Variants in UGT1A10 observed in about 807,000 individuals in gnomAD.
The protein encoded by UGT1A10 is UDP glucuronosyltransferase family 1 member A10, also known as UDP-glucuronosyltransferase 1A10.
UGT1A10 carries 49 observed loss-of-function variants against 45.8 expected under a neutral mutation model. That is an observed-to-expected ratio of 1.07 (90% CI 0.85 to 1.36). The LOEUF (loss-of-function observed/expected upper bound fraction) is 1.36, where lower values mean the gene tolerates loss of function less well. Ranked by LOEUF, UGT1A10 falls within the 40% of genes most tolerant of loss-of-function variation. UGT1A10 has a pLI of 0.00. For missense variants in UGT1A10, 745 were observed against 668.6 expected (o/e 1.11, Z -1.26); for synonymous variants, 284 against 249.7 (o/e 1.14, Z -1.29).
intron 1 of UGT1A10, among the ~76,000 whole-genome samples, chr2:233,738,627 G>A (rs1481617124): frequency 1.3e-5 from 2 of 152,172 alleles, no homozygotes; most frequent in Non-Finnish European, 2.9e-5. Flanking sequence ...TGGCATTTTT[G>A]CCCCTGCCCT....
intron 1 of UGT1A10, chr2:233,672,651 T>C (rs752391305): frequency 1.9e-6 from 3 of 1,613,910 alleles, no homozygotes; most frequent in South Asian, 2.2e-5. Context: ...AAACACCTGT[T>C]ACGGAGTATG....
At chr2:233,725,615 T>C (rs572802204) in intron 1 of UGT1A10, among the ~76,000 whole-genome samples, 1 of 152,322 alleles carries the variant, frequency 6.6e-6, no homozygotes, top group African/African-American at 2.4e-5. Flanking sequence ...TCTTGCTAAG[T>C]CTTCAAAATC....
chr2:233,685,792 G>T (rs1336439537), intron 1 of UGT1A10, among the ~76,000 whole-genome samples: 2 of 151,898 alleles, frequency 1.3e-5, no homozygotes, highest in Non-Finnish European at 2.9e-5. Flanking sequence ...AGAAAATCTT[G>T]GCATGTTGTC....
At chr2:233,700,860 T>C (rs762823584) in intron 1 of UGT1A10, among the ~76,000 whole-genome samples, 4 of 152,140 alleles carry the variant, frequency 2.6e-5, no homozygotes, top group East Asian at 1.9e-4. Flanking sequence ...CTCCTAATGC[T>C]ATCCCTCCCT....
At chr2:233,702,904 T>C (rs1326367671) in intron 1 of UGT1A10, among the ~76,000 whole-genome samples, 1 of 152,212 alleles carries the variant, frequency 6.6e-6, no homozygotes, top group Admixed American at 6.5e-5. Context: ...TAAGAGATAT[T>C]GGAAGTCTTA....
chr2:233,678,504 A>G (rs1290179330), intron 1 of UGT1A10, among the ~76,000 whole-genome samples: 1 of 152,144 alleles, frequency 6.6e-6, no homozygotes, highest in Non-Finnish European at 1.5e-5. Flanking sequence ...ATGGAAATAC[A>G]TCATAATTAC....
intron 1 of UGT1A10, among the ~76,000 whole-genome samples, chr2:233,761,639 G>A (rs1340532947): frequency 3.9e-5 from 6 of 152,230 alleles, no homozygotes; most frequent in Non-Finnish European, 5.9e-5. Context: ...CCTGCAGTCC[G>A]TTCTCTTCTA....
intron 1 of UGT1A10, among the ~76,000 whole-genome samples, chr2:233,690,063 C>T (rs2074973380): frequency 6.6e-6 from 1 of 152,196 alleles, no homozygotes; most frequent in African/African-American, 2.4e-5. Flanking sequence ...TGCAGCCCCA[C>T]CTCACAGCCT....
intron 1 of UGT1A10, chr2:233,690,455 C>G (rs1165670819): frequency 7.8e-7 from 1 of 1,287,146 alleles, no homozygotes; most frequent in South Asian, 1.2e-5. Flanking sequence ...ATTCAAAATG[C>G]CAGCTATCCT....
chr2:233,732,301 C>A (rs2078258261), intron 1 of UGT1A10, among the ~76,000 whole-genome samples: 1 of 152,184 alleles, frequency 6.6e-6, no homozygotes, highest in South Asian at 2.1e-4. Flanking sequence ...TTAATTAGAT[C>A]CCATTTGTCT....
chr2:233,641,218 A>G (rs1380037247), intron 1 of UGT1A10, among the ~76,000 whole-genome samples: 2 of 152,134 alleles, frequency 1.3e-5, no homozygotes, highest in Non-Finnish European at 1.5e-5. Flanking sequence ...TTCTTTACCT[A>G]CAAGTATCTT....
At chr2:233,663,589 C>A (rs1559330237) in intron 1 of UGT1A10, among the ~76,000 whole-genome samples, 1 of 152,090 alleles carries the variant, frequency 6.6e-6, no homozygotes, top group African/African-American at 2.4e-5. Flanking sequence ...CTGCATGAAT[C>A]CTAAACCATA....
At chr2:233,724,165 C>CT (rs1189702988) in intron 1 of UGT1A10, among the ~76,000 whole-genome samples, 2 of 112,674 alleles carry the variant, frequency 1.8e-5, no homozygotes, top group African/African-American at 8.4e-5. Context: ...GGGGGGCTGA[C>CT]CCCCCCATCT....
At chr2:233,641,500 G>A (rs1015661073) in intron 1 of UGT1A10, among the ~76,000 whole-genome samples, 1 of 152,024 alleles carries the variant, frequency 6.6e-6, no homozygotes, top group Non-Finnish European at 1.5e-5. Flanking sequence ...TTTTTGATTT[G>A]TTCATTGTTT....
intron 1 of UGT1A10, among the ~76,000 whole-genome samples, chr2:233,749,749 G>C (rs1286332209): frequency 2.0e-5 from 3 of 151,910 alleles, no homozygotes; most frequent in Non-Finnish European, 2.9e-5. Context: ...ATCATAGTGA[G>C]TGAGTTCTTA....
chr2:233,703,927 G>T (rs1468574545), intron 1 of UGT1A10, among the ~76,000 whole-genome samples: 2 of 150,936 alleles, frequency 1.3e-5, no homozygotes, highest in African/African-American at 4.9e-5. Context: ...ATCTCATTCT[G>T]TTACCCAGAC....
chr2:233,748,927 T>C (rs1694062254), intron 1 of UGT1A10, among the ~76,000 whole-genome samples: 1 of 151,536 alleles, frequency 6.6e-6, no homozygotes, highest in Admixed American at 6.6e-5. Flanking sequence ...AAGCTGAACA[T>C]ATCACCAAAC....
At chr2:233,694,104 A>G (rs760831319) in intron 1 of UGT1A10, among the ~76,000 whole-genome samples, 1 of 152,150 alleles carries the variant, frequency 6.6e-6, no homozygotes, top group Non-Finnish European at 1.5e-5. Flanking sequence ...GCTTAGTTGG[A>G]TAATCTGGGA....
intron 1 of UGT1A10, among the ~76,000 whole-genome samples, chr2:233,732,853 A>C (rs1238557082): frequency 6.7e-6 from 1 of 149,098 alleles, no homozygotes; most frequent in Non-Finnish European, 1.5e-5. Context: ...TTGTGAAGTC[A>C]TTGGTAGCTT....
Sources: allele counts gnomAD v4.1 joint callset (sites outside exome capture counted in the v4.1 genomes callset), GRCh38; gene constraint gnomAD v4.1.1; transcripts MANE v1.5; gene names NCBI Gene and HGNC (gene_info 2026-07-23, HGNC 2026-07-21).